Variants in PTPRM observed in about 807,000 individuals in gnomAD.
The protein encoded by PTPRM is protein tyrosine phosphatase receptor type M, also known as receptor-type tyrosine-protein phosphatase mu.
Under a neutral mutation model 186.7 loss-of-function variants are expected in PTPRM, and 47 were observed. The observed-to-expected ratio is 0.25, with a 90% confidence interval of 0.20 to 0.32. The LOEUF is 0.32. Among genes scored for constraint, PTPRM ranks in the 10% least tolerant of loss-of-function variants. The pLI, the probability that PTPRM is intolerant of heterozygous loss-of-function variation, is 1.00. For missense variants in PTPRM, 1,494 were observed against 1,865.0 expected, an observed-to-expected ratio of 0.80 and a Z score of 3.66; for synonymous variants, 668 against 674.9, an observed-to-expected ratio of 0.99 and a Z score of 0.16.
At chr18:7,772,349 C>CTCTTTCTTTCTTTCTTTCTCTTTCTT (rs2042325051) in intron 1 of PTPRM, among the ~76,000 whole-genome samples, 1 of 96,034 alleles carries the variant, frequency 1.0e-5, no homozygotes, top group African/African-American at 4.7e-5. Context: ...TTCTTTCTTT[C>CTCTTTCTTTCTTTCTTTCTCTTTCTT]TCTTTCTTTC....
At chr18:8,004,795 G>C (rs1208569547) in intron 7 of PTPRM, among the ~76,000 whole-genome samples, 2 of 152,166 alleles carry the variant, frequency 1.3e-5, no homozygotes, top group Non-Finnish European at 2.9e-5. Flanking sequence ...CGTGCCACAA[G>C]TTGGAATAAA....
chr18:7,807,181 T>G (rs559633684), intron 2 of PTPRM, among the ~76,000 whole-genome samples: 3 of 152,360 alleles, frequency 2.0e-5, no homozygotes, highest in Admixed American at 6.5e-5. Flanking sequence ...TTTTCAAAGT[T>G]GGAAGTGTTG....
intron 1 of PTPRM, among the ~76,000 whole-genome samples, chr18:7,680,835 G>A (rs1345249723): frequency 1.3e-5 from 2 of 152,184 alleles, no homozygotes; most frequent in Non-Finnish European, 2.9e-5. Flanking sequence ...GCTAAGTGTG[G>A]GCTATGGGGT....
intron 2 of PTPRM, among the ~76,000 whole-genome samples, chr18:7,842,975 G>GAA (rs2046427169): frequency 1.3e-5 from 2 of 149,162 alleles, no homozygotes; most frequent in Non-Finnish European, 3.0e-5. Flanking sequence ...GAGAGAGAGA[G>GAA]AGAGATTATA....
At position 8,004,696 on chromosome 18, in the gene PTPRM, C is replaced by T. The variant is rs535374167; in HGVS notation, c.1132+49282C>T. Among the ~76,000 whole-genome samples the T allele has an allele frequency of 5.3e-5, 8 of 152,110 alleles. No homozygotes were observed. The South Asian group carries it at 1.7e-3, about 32-fold the overall frequency. ...AAGTAATTGGTAATGGCAAAAAACACAATTACTTTTGCACCAACCTAGTAA... is the reference window on the plus strand; with the variant it reads ...AAGTAATTGGTAATGGCAAAAAACATAATTACTTTTGCACCAACCTAGTAA... On this transcript the variant is annotated intron_variant, in intron 7 of 32. Coordinates refer to ENST00000580170, the MANE Select transcript of PTPRM (RefSeq NM_001105244.2).
chr18:8,262,434 C>T (rs1304917464), intron 19 of PTPRM, among the ~76,000 whole-genome samples: 1 of 152,226 alleles, frequency 6.6e-6, no homozygotes, highest in Non-Finnish European at 1.5e-5. Flanking sequence ...TTCAGACTTT[C>T]GTTGTAATGC....
intron 23 of PTPRM, among the ~76,000 whole-genome samples, chr18:8,352,653 G>GTTTGTT (rs2095541296): frequency 1.6e-5 from 2 of 121,338 alleles, no homozygotes; most frequent in Admixed American, 8.2e-5. Context: ...TTTTGGTTTG[G>GTTTGTT]TTTTTTTTGT....
At chr18:7,931,720 G>A (rs2051497686) in intron 5 of PTPRM, among the ~76,000 whole-genome samples, 1 of 152,134 alleles carries the variant, frequency 6.6e-6, no homozygotes, top group Admixed American at 6.5e-5. Context: ...GTTTGCTGAT[G>A]GGAAACTTCT....
intron 7 of PTPRM, among the ~76,000 whole-genome samples, chr18:7,957,692 A>G (rs1399567883): frequency 6.6e-6 from 1 of 152,226 alleles, no homozygotes; most frequent in Non-Finnish European, 1.5e-5. Flanking sequence ...TTTTTGCTAT[A>G]GGAAGAAATA....
rs547783429 is a variant in PTPRM at position 7,614,292 on chromosome 18, A to G, written c.73+46401A>G. Among the ~76,000 whole-genome samples, 3 of 152,342 alleles carry G rather than the reference A, an allele frequency of 2.0e-5. No homozygotes were observed. In the South Asian group the frequency reaches 6.2e-4, roughly 32 times the overall value. ...ACACACAGGGCAACGTGCCTGTGATATAGGGAAGGCTGTCTTTAAAGTACT... is the reference window on the plus strand; with the variant it reads ...ACACACAGGGCAACGTGCCTGTGATGTAGGGAAGGCTGTCTTTAAAGTACT... On this transcript the variant is annotated intron_variant, in intron 1 of 32. Coordinates refer to ENST00000580170, the MANE Select transcript of PTPRM (RefSeq NM_001105244.2).
chr18:7,633,356 T>C (rs1424516013), intron 1 of PTPRM, among the ~76,000 whole-genome samples: 1 of 152,208 alleles, frequency 6.6e-6, no homozygotes, highest in African/African-American at 2.4e-5. Flanking sequence ...ACCATGTTTT[T>C]GCTCTTCCCC....
intron 1 of PTPRM, among the ~76,000 whole-genome samples, chr18:7,687,078 T>C (rs2039619708): frequency 6.6e-6 from 1 of 152,214 alleles, no homozygotes; most frequent in African/African-American, 2.4e-5. Flanking sequence ...CCTCAACTAA[T>C]CTTGTAATAA....
chr18:7,653,309 G>T (rs2038766664), intron 1 of PTPRM, among the ~76,000 whole-genome samples: 1 of 151,836 alleles, frequency 6.6e-6, no homozygotes. Context: ...ACCACACTTG[G>T]CTAATTTTGT....
chr18:7,980,065 C>T (rs1568119806), intron 7 of PTPRM, among the ~76,000 whole-genome samples: 1 of 152,024 alleles, frequency 6.6e-6, no homozygotes, highest in Non-Finnish European at 1.5e-5. Context: ...GCGTCTTACT[C>T]CTCCCCCTTG....
intron 14 of PTPRM, among the ~76,000 whole-genome samples, chr18:8,157,307 C>T (rs182682241): frequency 6.6e-6 from 1 of 152,324 alleles, no homozygotes; most frequent in Non-Finnish European, 1.5e-5. Flanking sequence ...ATGCATTATA[C>T]ACCAGTATAC....
intron 1 of PTPRM, among the ~76,000 whole-genome samples, chr18:7,683,552 T>G (rs2039528076): frequency 6.6e-6 from 1 of 152,116 alleles, no homozygotes; most frequent in Admixed American, 6.5e-5. Flanking sequence ...TTATTGGATG[T>G]GGGAGATTGG....
intron 19 of PTPRM, among the ~76,000 whole-genome samples, chr18:8,288,808 T>C (rs1378010230): frequency 6.6e-6 from 1 of 152,176 alleles, no homozygotes; most frequent in Non-Finnish European, 1.5e-5. Flanking sequence ...AAGGGGACTT[T>C]TGAAATGGAG....
At chr18:8,215,837 C>A (rs1487108582) in intron 14 of PTPRM, among the ~76,000 whole-genome samples, 1 of 152,136 alleles carries the variant, frequency 6.6e-6, no homozygotes, top group Non-Finnish European at 1.5e-5. Context: ...ATCACCACAC[C>A]AGGCAGCTAT....
At chr18:7,633,930 A>G (rs944146040) in intron 1 of PTPRM, among the ~76,000 whole-genome samples, 2 of 152,004 alleles carry the variant, frequency 1.3e-5, no homozygotes, top group African/African-American at 4.8e-5. Flanking sequence ...ATTGCCCCAT[A>G]ATGGTCTAGT....
Sources: gnomAD v4.1 joint callset for allele counts (sites outside exome capture counted in the v4.1 genomes callset) on GRCh38, gnomAD v4.1.1 for gene constraint, MANE v1.5 for transcripts, NCBI Gene and HGNC (gene_info 2026-07-23, HGNC 2026-07-21) for gene names.